Variants in C10orf67 observed in about 807,000 individuals in gnomAD.
C10orf67 encodes the protein chromosome 10 open reading frame 67.
In C10orf67, 60 loss-of-function variants were observed where a neutral mutation model predicts 35.6. The observed-to-expected ratio is 1.68, with a 90% CI of 1.37 to 2.09. The LOEUF (loss-of-function observed/expected upper bound fraction) is 2.09, where lower values mean the gene tolerates loss of function less well. Among genes scored for constraint, C10orf67 ranks in the 30% most tolerant of loss-of-function variants. The pLI, the probability that C10orf67 is intolerant of heterozygous loss-of-function variation, is 0.00. For synonymous variants in C10orf67, 167 were observed against 115.8 expected (o/e 1.44, Z -2.84); for missense variants, 474 against 330.2 (o/e 1.44, Z -3.38).
rs1437757697 is a variant in C10orf67, at chr10:23,204,086, T to A, written c.*87A>T. On this transcript the variant is annotated 3_prime_UTR_variant, in exon 16 of 16. Coordinates refer to ENST00000636213, the MANE Select transcript of C10orf67 (RefSeq NM_001371909.1). ...TAGTTTAGAAAATCCTTGGAGATAGTATCCTTTCCGAGGGAGGCACCTTAC... is the reference window on the plus strand; with the variant it reads ...TAGTTTAGAAAATCCTTGGAGATAGAATCCTTTCCGAGGGAGGCACCTTAC... The A allele has an allele frequency of 6.6e-6, 3 of 453,656 alleles. No homozygotes were observed. The East Asian group carries it at 1.0e-4, about 16-fold the overall frequency. The allele number at this position is 453,656 out of a possible 1,614,324, so 28.1% of individuals were successfully genotyped here.
Position 23,299,850 on chromosome 10 carries a change from C to A in C10orf67, c.702+3454G>T, listed in dbSNP as rs543377446. The stretch of plus-strand genomic sequence containing the variant: ...AAAATTAGCCGGGTGTGGTGGCGGG[C>A]GCCTGTAGTCCCAGCTACTCAGGAG... On this transcript the variant is annotated intron_variant, in intron 5 of 15. Transcript: ENST00000636213. Among the ~76,000 whole-genome samples the A allele has an allele frequency of 1.1e-4, 17 of 151,988 alleles. No individual in the cohort carries two copies. In the East Asian group the frequency reaches 3.3e-3, roughly 29 times the overall value.
intron 15 of C10orf67, among the ~76,000 whole-genome samples, chr10:23,221,013 T>C (rs1421113094): frequency 1.3e-5 from 2 of 152,212 alleles, no homozygotes; most frequent in African/African-American, 2.4e-5. Flanking sequence ...TGTTACCAAA[T>C]AGGTTATAGT....
At chr10:23,256,917 G>T (rs1444608795) in intron 10 of C10orf67, among the ~76,000 whole-genome samples, 1 of 152,172 alleles carries the variant, frequency 6.6e-6, no homozygotes, top group Admixed American at 6.5e-5. Flanking sequence ...AGTGGTTGAT[G>T]CTGTGAAGAA....
chr10:23,235,384 G>GA (rs1842022680), intron 13 of C10orf67, among the ~76,000 whole-genome samples: 1 of 151,932 alleles, frequency 6.6e-6, no homozygotes, highest in Admixed American at 6.6e-5. Flanking sequence ...AAAATAGAAG[G>GA]AAAAATTATA....
At chr10:23,223,346 G>T (rs1183273019) in intron 15 of C10orf67, among the ~76,000 whole-genome samples, 1 of 152,106 alleles carries the variant, frequency 6.6e-6, no homozygotes, top group African/African-American at 2.4e-5. Context: ...CTCCAAAAGT[G>T]CTAGGATTAC....
intron 15 of C10orf67, among the ~76,000 whole-genome samples, chr10:23,215,677 T>G (rs1486973699): frequency 6.6e-6 from 1 of 151,980 alleles, no homozygotes; most frequent in African/African-American, 2.4e-5. Context: ...CCAAACTACA[T>G]AATGGGAATT....
chr10:23,239,077 C>A (rs904923064), intron 13 of C10orf67, among the ~76,000 whole-genome samples: 2 of 152,090 alleles, frequency 1.3e-5, no homozygotes, highest in African/African-American at 4.8e-5. Context: ...TTAGGCCCTT[C>A]CCCACAAACC....
At chr10:23,322,290 A>T in intron 3 of C10orf67, 104 bp downstream of exon 3, 1 of 1,244,964 alleles carries the variant, frequency 8.0e-7, no homozygotes, top group Non-Finnish European at 1.1e-6. Flanking sequence ...CAACTAATGC[A>T]AATTACACTG....
chr10:23,341,019 T>C (rs1845862250), intron 1 of C10orf67, among the ~76,000 whole-genome samples: 1 of 152,206 alleles, frequency 6.6e-6, no homozygotes, highest in African/African-American at 2.4e-5. Flanking sequence ...GTGTTAAACT[T>C]TCACTGTGGC....
intron 13 of C10orf67, among the ~76,000 whole-genome samples, chr10:23,233,728 A>G (rs1841970511): frequency 6.6e-6 from 1 of 152,238 alleles, no homozygotes; most frequent in East Asian, 1.9e-4. Context: ...GACGAAGTTC[A>G]GGGAACAAAA....
chr10:23,284,193 C>T (rs542134723), intron 7 of C10orf67, among the ~76,000 whole-genome samples: 1 of 151,594 alleles, frequency 6.6e-6, no homozygotes, highest in Non-Finnish European at 1.5e-5. Context: ...TCTTCCATTT[C>T]CTGCTTACAC....
chr10:23,337,263 G>A (rs781070424), intron 1 of C10orf67, among the ~76,000 whole-genome samples: 3 of 152,258 alleles, frequency 2.0e-5, no homozygotes, highest in Non-Finnish European at 4.4e-5. Flanking sequence ...GCTGGGTGCA[G>A]TGGCTCACAC....
At chr10:23,279,092 T>C (rs1036892989) in intron 8 of C10orf67, among the ~76,000 whole-genome samples, 3 of 152,170 alleles carry the variant, frequency 2.0e-5, no homozygotes, top group Admixed American at 2.0e-4. Flanking sequence ...TCTCTATATT[T>C]TATAAATGTT....
chr10:23,302,549 T>C (rs1299954217), intron 5 of C10orf67, among the ~76,000 whole-genome samples: 3 of 152,182 alleles, frequency 2.0e-5, no homozygotes, highest in African/African-American at 7.2e-5. Context: ...CCAGCATCTG[T>C]TAGCCTTTCC....
intron 2 of C10orf67, among the ~76,000 whole-genome samples, chr10:23,325,570 A>G (rs1845159713): frequency 6.6e-6 from 1 of 151,456 alleles, no homozygotes; most frequent in Non-Finnish European, 1.5e-5. Flanking sequence ...AACAAAACCA[A>G]TAACAACAAC....
intron 13 of C10orf67, 44 bp from the exon 14 acceptor site, chr10:23,223,862 A>G (rs1841658886): frequency 1.4e-6 from 1 of 710,192 alleles, no homozygotes; most frequent in African/African-American, 1.8e-5. Context: ...AGGAGGAAAT[A>G]ATAGTCAAAT....
At chr10:23,239,677 A>G in intron 13 of C10orf67, 52 bp downstream of exon 13, 2 of 610,392 alleles carry the variant, frequency 3.3e-6, no homozygotes, top group African/African-American at 1.8e-5. Flanking sequence ...AGAAAGAAAC[A>G]GACAGGTATA....
intron 4 of C10orf67, among the ~76,000 whole-genome samples, chr10:23,313,777 T>G (rs1307582785): frequency 6.6e-6 from 1 of 151,990 alleles, no homozygotes; most frequent in African/African-American, 2.4e-5. Context: ...AGTGAAGACA[T>G]AAAAGGACCT....
intron 8 of C10orf67, among the ~76,000 whole-genome samples, chr10:23,270,054 T>G (rs1043561116): frequency 6.6e-6 from 1 of 152,174 alleles, no homozygotes; most frequent in Non-Finnish European, 1.5e-5. Flanking sequence ...TATGTAATAC[T>G]GTCCCATGAA....
Sources: gnomAD v4.1 joint callset for allele counts (sites outside exome capture counted in the v4.1 genomes callset) on GRCh38, gnomAD v4.1.1 for gene constraint, MANE v1.5 for transcripts, NCBI Gene and HGNC (gene_info 2026-07-23, HGNC 2026-07-21) for gene names.